IL10RA: variants seen among roughly 807,000 people sequenced by gnomAD.
The protein encoded by IL10RA is interleukin-10 receptor subunit alpha.
In IL10RA, 18 loss-of-function variants were observed where a neutral mutation model predicts 29.6. That is an observed-to-expected ratio of 0.61 (90% CI 0.42 to 0.90). The LOEUF is 0.90. Among genes scored for constraint, IL10RA ranks in the 40% least tolerant of loss-of-function variants. The probability of loss-of-function intolerance (pLI) is 0.00; values close to 1 mark genes in which losing one functional copy is unlikely to be tolerated. For synonymous variants in IL10RA, 292 were observed against 294.1 expected, an observed-to-expected ratio of 0.99 and a Z score of 0.07; for missense variants, 634 against 716.6, an observed-to-expected ratio of 0.88 and a Z score of 1.32.
At chr11:117,996,121 G>A (rs1233808395) in intron 6 of IL10RA, among the ~76,000 whole-genome samples, 1 of 152,202 alleles carries the variant, frequency 6.6e-6, no homozygotes, top group Non-Finnish European at 1.5e-5. Context: ...CAGCCAGGAA[G>A]AGTCAGGGAG....
chr11:117,995,223 A>G, intron 5 of IL10RA: 1 of 365,224 alleles, frequency 2.7e-6, no homozygotes, highest in East Asian at 7.0e-5. Context: ...TTTGTCCACA[A>G]TTGCACAGCT....
chr11:117,993,478 C>A, intron 4 of IL10RA, 68 bp downstream of exon 4: 1 of 1,385,710 alleles, frequency 7.2e-7, no homozygotes, highest in South Asian at 1.2e-5. Context: ...GCTGGAAGCA[C>A]CCTTGTGTGC....
At chr11:117,993,641 C>T (rs1259306547) in intron 4 of IL10RA, among the ~76,000 whole-genome samples, 1 of 152,150 alleles carries the variant, frequency 6.6e-6, no homozygotes, top group East Asian at 1.9e-4. Flanking sequence ...CCCCAGAGCC[C>T]TTGTAGATGA....
chr11:118,001,284 T>C lies in IL10RA; in HGVS notation c.*1643T>C. Reference sequence around the variant, plus strand: ...AAATTCTAGCTCTGACTTTGCTGTTTCCAGTGGTATGACCTTGGAGAAGTC... The same window carrying C: ...AAATTCTAGCTCTGACTTTGCTGTTCCCAGTGGTATGACCTTGGAGAAGTC... On this transcript the variant is annotated 3_prime_UTR_variant, in exon 7 of 7. Coordinates refer to ENST00000227752, the MANE Select transcript of IL10RA (RefSeq NM_001558.4). 4.4e-6 allele frequency: 2 copies of C among 454,182 alleles called. No homozygotes were observed. Among genetic ancestry groups the C allele is most frequent in the Non-Finnish European group, 4.4e-6 (1 of 226,804 alleles). The allele number at this position is 454,182 out of a possible 1,614,324, so 28.1% of individuals were successfully genotyped here. A position where few individuals can be genotyped will look rare whatever the true frequency, so the allele number is the denominator to read the frequency against.
chr11:117,992,818 T>G (rs977298627), intron 3 of IL10RA, among the ~76,000 whole-genome samples: 3 of 152,244 alleles, frequency 2.0e-5, no homozygotes, highest in Non-Finnish European at 4.4e-5. Flanking sequence ...GTGGTTTTTA[T>G]AGTTTCAGGT....
In IL10RA at chr11:118,001,291, G is replaced by C. The variant is rs1448519328; in HGVS notation, c.*1650G>C. 4.4e-6 allele frequency: 2 copies of C among 454,166 alleles called. No individual in the cohort carries two copies. Among genetic ancestry groups the C allele is most frequent in the Non-Finnish European group, 4.4e-6 (1 of 226,810 alleles). 28.1% of individuals were successfully genotyped at this position (454,166 alleles called of 1,614,324 possible). A position where few individuals can be genotyped will look rare whatever the true frequency, so the allele number is the denominator to read the frequency against. ...AGCTCTGACTTTGCTGTTTCCAGTG[G>C]TATGACCTTGGAGAAGTCACTTATC... is the stretch of plus-strand genomic sequence containing the variant. On this transcript the variant is annotated 3_prime_UTR_variant, in exon 7 of 7. Transcript: ENST00000227752.
chr11:117,999,176 C>T lies in IL10RA; in HGVS notation c.1272C>T (p.His424=). The T allele has an allele frequency of 1.9e-6, 3 of 1,614,186 alleles. No individual in the cohort carries two copies. Among genetic ancestry groups the T allele is most frequent in the Non-Finnish European group, 2.5e-6 (3 of 1,180,006 alleles). ...CACAGGGTGGCTCGGCCTTGGGCCA[C>T]CACAGTCCCCCGGAGCCTGAGGTGC... The part of the protein sequence containing the change: ...GDTQGGSALG[H]HSPPEPEVPG... The change falls in exon 7 of 7, where the codon CAC becomes CAT. Residue 424 remains histidine, a synonymous_variant. Coordinates refer to ENST00000227752, the MANE Select transcript of IL10RA (RefSeq NM_001558.4).
At position 117,998,789 on chromosome 11, in the gene IL10RA, G is replaced by A. The variant is rs201071622; in HGVS notation, c.885G>A (p.Pro295=). Residue 295 remains proline (P), a synonymous_variant, in exon 7 of 7, where the codon CCG becomes CCA. Transcript: ENST00000227752. ...PSPETQDTIH[P]LDEEAFLKVS... ...CAGAGACCCAAGACACCATCCACCCGCTTGATGAGGAGGCCTTTTTGAAGG... is the reference window on the plus strand; with the variant it reads ...CAGAGACCCAAGACACCATCCACCCACTTGATGAGGAGGCCTTTTTGAAGG... The A allele has an allele frequency of 4.2e-5, 67 of 1,613,948 alleles. No homozygotes were observed. Among genetic ancestry groups the A allele is most frequent in the Middle Eastern group, 1.6e-4 (1 of 6,084 alleles).
downstream of IL10RA, chr11:118,001,554 G>A (rs957771108): frequency 1.4e-5 from 5 of 368,208 alleles, no homozygotes; most frequent in African/African-American, 1.1e-4. Context: ...TAATGAGGAG[G>A]GTAATAATGT....
Position 117,999,423 on chromosome 11 carries a change from G to A in IL10RA, c.1519G>A (p.Ala507Thr). Reference sequence around the variant, plus strand: ...ACAGGATCCTCTAGAAATGACTCTGGCTTCCTCAGGGGCCCCAACGGGACA... The same window carrying A: ...ACAGGATCCTCTAGAAATGACTCTGACTTCCTCAGGGGCCCCAACGGGACA... ...LKQDPLEMTL[A>T]SSGAPTGQWN... is the part of the protein sequence containing the mutation. The change falls in exon 7 of 7, where the codon GCT (alanine) becomes ACT (threonine). Residue 507 changes from alanine (A) to threonine (T), a missense_variant. Transcript: ENST00000227752. 6.2e-7 allele frequency: 1 copy of A among 1,614,218 alleles called. No homozygotes were observed. Among genetic ancestry groups the A allele is most frequent in the African/African-American group, 1.3e-5 (1 of 75,064 alleles).
At chr11:117,990,073 G>A (rs1451465774) in intron 3 of IL10RA, among the ~76,000 whole-genome samples, 10 of 152,168 alleles carry the variant, frequency 6.6e-5, no homozygotes, top group Non-Finnish European at 1.5e-5. Context: ...ATCCCTCTCT[G>A]GAGAGGTAAG....
chr11:117,988,010 A>G (rs1211677283), intron 1 of IL10RA: 2 of 342,222 alleles, frequency 5.8e-6, no homozygotes, highest in Non-Finnish European at 1.1e-5. Flanking sequence ...GATGGGGCCA[A>G]GCCTAGGAAT....
At chr11:117,988,791 C>T (rs756342002) in intron 2 of IL10RA, among the ~76,000 whole-genome samples, 3 of 152,162 alleles carry the variant, frequency 2.0e-5, no homozygotes, top group Non-Finnish European at 4.4e-5. Context: ...GACAGCTTCT[C>T]GCTCTGTCAC....
rs1009384581 is a variant in IL10RA, at chr11:118,000,565, G to A, written c.*924G>A. On this transcript the variant is annotated 3_prime_UTR_variant, in exon 7 of 7. Coordinates refer to ENST00000227752, the MANE Select transcript of IL10RA (RefSeq NM_001558.4). Reference sequence around the variant, plus strand: ...CAGAGGGTCAGGGTTGGAGGCCTGTGCTTGTGTTTGCTGCTAATGTCCAGC... The same window carrying A: ...CAGAGGGTCAGGGTTGGAGGCCTGTACTTGTGTTTGCTGCTAATGTCCAGC... 3 of 454,168 alleles carry A rather than the reference G, an allele frequency of 6.6e-6. No individual in the cohort carries two copies. The highest frequency in any genetic ancestry group is 4.0e-5 in the African/African-American group (2 of 50,000). The allele number at this position is 454,168 out of a possible 1,614,324, so 28.1% of individuals were successfully genotyped here. A position where few individuals can be genotyped will look rare whatever the true frequency, so the allele number is the denominator to read the frequency against.
At chr11:117,988,654 C>T in intron 2 of IL10RA, 152 bp downstream of exon 2, 2 of 887,280 alleles carry the variant, frequency 2.3e-6, no homozygotes, top group East Asian at 2.6e-5. Context: ...CTGACTGAGA[C>T]TCCCTTGCTG....
chr11:117,999,655 G>A lies in IL10RA; in HGVS notation c.*14G>A. The A allele has an allele frequency of 6.2e-7, 1 of 1,610,384 alleles. No individual in the cohort carries two copies. The highest frequency in any genetic ancestry group is 8.5e-7 in the Non-Finnish European group (1 of 1,177,162). ...TCAAGTGAGTGACTCGGGCTGAGAG[G>A]CTGCTTTTGATTTTAGCCATGCCTG... On this transcript the variant is annotated 3_prime_UTR_variant, in exon 7 of 7. Transcript: ENST00000227752.
intron 5 of IL10RA, 157 bp from the exon 6 acceptor site, chr11:117,995,432 C>CT (rs1490627988): frequency 1.1e-6 from 1 of 895,726 alleles, no homozygotes; most frequent in African/African-American, 1.6e-5. Flanking sequence ...TCGCAGAAAC[C>CT]TAGACACATC....
chr11:118,002,405 C>T (rs1322523214), downstream of IL10RA: 1 of 152,214 alleles, frequency 6.6e-6, no homozygotes, highest in Non-Finnish European at 1.5e-5. Flanking sequence ...TGACTAATAT[C>T]ACGCCATTTC....
At chr11:117,991,485 C>T (rs2058021874) in intron 3 of IL10RA, among the ~76,000 whole-genome samples, 1 of 152,178 alleles carries the variant, frequency 6.6e-6, no homozygotes, top group African/African-American at 2.4e-5. Flanking sequence ...GTGCAATAGG[C>T]ACCAGAACTT....
Sources: gnomAD v4.1 joint callset for allele counts (sites outside exome capture counted in the v4.1 genomes callset) on GRCh38, gnomAD v4.1.1 for gene constraint, MANE v1.5 for transcripts, NCBI Gene and HGNC (gene_info 2026-07-23, HGNC 2026-07-21) for gene names.